RIMS2: variants seen among roughly 807,000 people sequenced by gnomAD.
RIMS2 encodes regulating synaptic membrane exocytosis protein 2.
Under a neutral mutation model 174.4 loss-of-function variants are expected in RIMS2, and 59 were observed. The observed-to-expected ratio is 0.34, with a 90% CI of 0.27 to 0.42. The LOEUF is 0.42. RIMS2 is among the 10% of genes least tolerant of loss of function. The pLI is 1.00. For missense variants in RIMS2, 1,620 were observed against 1,666.3 expected (o/e 0.97, Z 0.48); for synonymous variants, 606 against 572.5 (o/e 1.06, Z -0.84).
intron 11 of RIMS2, among the ~76,000 whole-genome samples, chr8:103,928,578 A>G (rs1325369006): frequency 1.3e-5 from 2 of 151,158 alleles, no homozygotes; most frequent in Non-Finnish European, 3.0e-5. Context: ...TTTAAGTAGT[A>G]TTATGCTCTC....
intron 19 of RIMS2, among the ~76,000 whole-genome samples, chr8:104,195,607 T>G (rs1283280045): frequency 2.0e-5 from 3 of 150,826 alleles, no homozygotes; most frequent in African/African-American, 7.3e-5. Flanking sequence ...CTCCGCCTCC[T>G]GGGTTCAAGC....
intron 19 of RIMS2, among the ~76,000 whole-genome samples, chr8:104,189,591 T>C (rs989922678): frequency 2.0e-5 from 3 of 147,736 alleles, no homozygotes; most frequent in Non-Finnish European, 4.5e-5. Context: ...ATTATATATA[T>C]ATATATATTT....
At chr8:104,022,560 C>G (rs894896154) in intron 19 of RIMS2, among the ~76,000 whole-genome samples, 12 of 151,768 alleles carry the variant, frequency 7.9e-5, no homozygotes, top group African/African-American at 2.2e-4. Flanking sequence ...TTTTCTATTT[C>G]TAGTAAAGAC....
intron 4 of RIMS2, among the ~76,000 whole-genome samples, chr8:103,897,901 T>C (rs913034950): frequency 7.3e-5 from 11 of 151,710 alleles, no homozygotes; most frequent in Admixed American, 2.0e-4. Flanking sequence ...GTCTTTCTGC[T>C]CTGGGTTCTA....
chr8:103,947,610 G>T (rs999696048), intron 14 of RIMS2, among the ~76,000 whole-genome samples: 4 of 152,130 alleles, frequency 2.6e-5, no homozygotes, highest in African/African-American at 9.7e-5. Flanking sequence ...TGGTATAAAA[G>T]ATTAAAAAAT....
intron 3 of RIMS2, among the ~76,000 whole-genome samples, chr8:103,806,065 A>G (rs1235263818): frequency 6.6e-6 from 1 of 152,150 alleles, no homozygotes; most frequent in Non-Finnish European, 1.5e-5. Context: ...ATATAACTTA[A>G]AACCCCTGTC....
intron 19 of RIMS2, among the ~76,000 whole-genome samples, chr8:104,195,672 G>A (rs774742923): frequency 6.6e-6 from 1 of 151,974 alleles, no homozygotes; most frequent in Non-Finnish European, 1.5e-5. Context: ...ACGTCGCCAT[G>A]CCTGGCTAAT....
At chr8:103,702,913 TGGTTGCATTAGAA>T in intron 2 of RIMS2, among the ~76,000 whole-genome samples, 1 of 150,334 alleles carries the variant, frequency 6.7e-6, no homozygotes, top group Non-Finnish European at 1.5e-5. Context: ...AGCATCTTTT[TGGTTGCATTAGAA>T]TTTTAGGACT....
At chr8:104,124,445 T>C (rs1339222338) in intron 19 of RIMS2, among the ~76,000 whole-genome samples, 1 of 152,128 alleles carries the variant, frequency 6.6e-6, no homozygotes, top group Non-Finnish European at 1.5e-5. Context: ...CTCTTCTCAC[T>C]CAATGTCACT....
intron 3 of RIMS2, among the ~76,000 whole-genome samples, chr8:103,875,825 C>T (rs2099133703): frequency 6.6e-6 from 1 of 151,982 alleles, no homozygotes; most frequent in South Asian, 2.1e-4. Context: ...AAGATGGTAT[C>T]TCACTGTGAT....
chr8:103,577,305 C>T (rs1395734734), intron 1 of RIMS2, among the ~76,000 whole-genome samples: 1 of 152,082 alleles, frequency 6.6e-6, no homozygotes, highest in African/African-American at 2.4e-5. Context: ...TCTATGCAGC[C>T]AACAGACACA....
At chr8:103,938,588 C>T (rs533200633) in intron 13 of RIMS2, among the ~76,000 whole-genome samples, 3 of 149,080 alleles carry the variant, frequency 2.0e-5, no homozygotes, top group Admixed American at 1.3e-4. Context: ...AATCTCATGT[C>T]GTCACATTTC....
chr8:103,626,275 T>A (rs1327999604), intron 1 of RIMS2, among the ~76,000 whole-genome samples: 4 of 152,164 alleles, frequency 2.6e-5, no homozygotes, highest in Non-Finnish European at 5.9e-5. Context: ...TAAAGCATGG[T>A]TACAAAGCTG....
intron 4 of RIMS2, among the ~76,000 whole-genome samples, chr8:103,889,728 T>G (rs2099231073): frequency 6.6e-6 from 1 of 151,890 alleles, no homozygotes; most frequent in Non-Finnish European, 1.5e-5. Context: ...CTTTGGCTCG[T>G]CTCTTACTTG....
chr8:103,799,768 T>G (rs998075425), intron 3 of RIMS2, among the ~76,000 whole-genome samples: 4 of 152,218 alleles, frequency 2.6e-5, no homozygotes, highest in Non-Finnish European at 4.4e-5. Context: ...TATTTATTTA[T>G]CTGTCAATTT....
At chr8:103,557,904 C>T (rs1035924878) in intron 1 of RIMS2, among the ~76,000 whole-genome samples, 1 of 152,144 alleles carries the variant, frequency 6.6e-6, no homozygotes, top group Admixed American at 6.5e-5. Context: ...TCCAGCTCTC[C>T]TGTAAATGAA....
At chr8:103,559,916 G>T (rs938079169) in intron 1 of RIMS2, among the ~76,000 whole-genome samples, 1 of 152,166 alleles carries the variant, frequency 6.6e-6, no homozygotes, top group Non-Finnish European at 1.5e-5. Flanking sequence ...AAATAAAGAA[G>T]GCCAGATTAT....
At chr8:103,827,696 G>A (rs1037661533) in intron 3 of RIMS2, among the ~76,000 whole-genome samples, 24 of 152,042 alleles carry the variant, frequency 1.6e-4, no homozygotes, top group African/African-American at 5.3e-4. Flanking sequence ...TTAGCTGGGC[G>A]TGGCCGTGTG....
At chr8:103,805,098 T>TA (rs551741785) in intron 3 of RIMS2, among the ~76,000 whole-genome samples, 2 of 151,932 alleles carry the variant, frequency 1.3e-5, no homozygotes, top group Non-Finnish European at 2.9e-5. Context: ...CAGCCTCATT[T>TA]AAAAAAAAGT....
Sources: gnomAD v4.1 joint callset for allele counts (sites outside exome capture counted in the v4.1 genomes callset) on GRCh38, gnomAD v4.1.1 for gene constraint, MANE v1.5 for transcripts, NCBI Gene and HGNC (gene_info 2026-07-23, HGNC 2026-07-21) for gene names.